ERCC1: variants seen among roughly 807,000 people sequenced by gnomAD.
ERCC1 encodes DNA excision repair protein ERCC-1.
Under a neutral mutation model 37.6 loss-of-function variants are expected in ERCC1, and 36 were observed. The observed-to-expected ratio is 0.96, with a 90% CI of 0.73 to 1.26. The LOEUF (loss-of-function observed/expected upper bound fraction) is 1.26, where lower values mean the gene tolerates loss of function less well. Among genes scored for constraint, ERCC1 ranks in the 50% most tolerant of loss-of-function variants. ERCC1 has a pLI of 0.00. For missense variants in ERCC1, 349 were observed against 376.5 expected (o/e 0.93, Z 0.60); for synonymous variants, 156 against 162.1 (o/e 0.96, Z 0.28).
upstream of ERCC1, among the ~76,000 whole-genome samples, chr19:45,428,109 A>C: frequency 9.8e-6 from 1 of 102,504 alleles, no homozygotes; most frequent in East Asian, 2.8e-4. Context: ...TTTGAGACGG[A>C]GTCTCTCTCT....
chr19:45,445,653 A>C (rs1966918281), intron 1 of ERCC1, among the ~76,000 whole-genome samples: 1 of 152,112 alleles, frequency 6.6e-6, no homozygotes, highest in East Asian at 1.9e-4. Context: ...AAGCAAGTGC[A>C]AAGGGTGTAA....
chr19:45,417,007 G>T (rs919698790), intron 5 of ERCC1, 110 bp from the exon 6 acceptor site: 1 of 760,546 alleles, frequency 1.3e-6, no homozygotes, highest in Non-Finnish European at 2.3e-6. Flanking sequence ...TGAGGTGGGG[G>T]AACTGCTTGA....
intron 1 of ERCC1, among the ~76,000 whole-genome samples, chr19:45,439,950 C>A (rs1481682244): frequency 1.3e-5 from 2 of 152,166 alleles, no homozygotes; most frequent in Non-Finnish European, 2.9e-5. Flanking sequence ...TGCCGCGCTC[C>A]GAGCCGAGCC....
rs889967425 is a variant in ERCC1 at position 45,408,394 on chromosome 19, TCCTGGCC to T, written c.*1274_*1280del. 1 of 1,613,020 alleles carries T rather than the reference TCCTGGCC, an allele frequency of 6.2e-7. No individual in the cohort carries two copies. The highest frequency in any genetic ancestry group is 1.3e-5 in the African/African-American group (1 of 74,902). ...CAGCAAGTCCCCCACCACAGATCCC[TCCTGGCC>T]TGAGGCCTCGGTTCTGTGCCTTTGG... is the stretch of plus-strand genomic sequence containing the variant. On this transcript the variant is annotated 3_prime_UTR_variant, in exon 10 of 10. Transcript: ENST00000300853.
At chr19:45,440,042 T>G (rs1975080114) in intron 1 of ERCC1, among the ~76,000 whole-genome samples, 3 of 151,954 alleles carry the variant, frequency 2.0e-5, no homozygotes, top group Admixed American at 2.0e-4. Flanking sequence ...GGAGCGGTGC[T>G]GGGCGCAGCC....
chr19:45,423,384 G>C lies in ERCC1; in HGVS notation c.-7-3C>G, dbSNP rs961112174. ...CCTTCCCAGGGTCCATCTGGAGCCT[G>C]AAAGGGAAGGTGCCAGGAGCGAGTG... On this transcript the variant is annotated splice_polypyrimidine_tract_variant and splice_region_variant and intron_variant, in intron 1 of 9. Coordinates refer to ENST00000300853, the MANE Select transcript of ERCC1 (RefSeq NM_001983.4). 6.2e-7 allele frequency: 1 copy of C among 1,608,618 alleles called. No individual in the cohort carries two copies. Among genetic ancestry groups the C allele is most frequent in the Non-Finnish European group, 8.5e-7 (1 of 1,177,776 alleles).
upstream of ERCC1, among the ~76,000 whole-genome samples, chr19:45,428,083 C>CTTTTTTTTTTTTTTTTTTTTTTTTTTTT (rs5828235): frequency 8.6e-6 from 1 of 116,018 alleles, no homozygotes; most frequent in Non-Finnish European, 1.7e-5. Flanking sequence ...TTCTTTCTTT[C>CTTTTTTTTTTTTTTTTTTTTTTTTTTTT]TTTTTTTTTT....
intron 1 of ERCC1, among the ~76,000 whole-genome samples, chr19:45,443,592 G>C (rs963705251): frequency 2.6e-5 from 4 of 152,166 alleles, no homozygotes; most frequent in Non-Finnish European, 5.9e-5. Flanking sequence ...AGGAACCCGG[G>C]AGTCCAGACT....
At chr19:45,446,787 C>G (rs1332415621) in intron 1 of ERCC1, among the ~76,000 whole-genome samples, 4 of 152,124 alleles carry the variant, frequency 2.6e-5, no homozygotes, top group Non-Finnish European at 4.4e-5. Flanking sequence ...ATCACGAGGT[C>G]AGGAATTCGA....
At chr19:45,449,506 T>A (rs1967047918) in intron 1 of ERCC1, among the ~76,000 whole-genome samples, 2 of 150,808 alleles carry the variant, frequency 1.3e-5, no homozygotes, top group African/African-American at 4.9e-5. Flanking sequence ...AAACAAAAAA[T>A]AATAAAAATT....
upstream of ERCC1, chr19:45,424,184 T>C (rs1974610618): frequency 2.8e-6 from 1 of 356,106 alleles, no homozygotes; most frequent in African/African-American, 2.2e-5. Flanking sequence ...TGAATCCAAC[T>C]CAGACATTGA....
At chr19:45,415,205 C>T (rs1057259644) in intron 6 of ERCC1, among the ~76,000 whole-genome samples, 1 of 151,778 alleles carries the variant, frequency 6.6e-6, no homozygotes, top group Middle Eastern at 3.4e-3. Context: ...CTTGGTGGCG[C>T]GTGCCTGTAG....
At chr19:45,419,304 GACAGAGGGTCCTGAGGCCC>G in intron 4 of ERCC1, 107 bp from the exon 5 acceptor site, 1 of 808,484 alleles carries the variant, frequency 1.2e-6, no homozygotes, top group Non-Finnish European at 2.1e-6. Flanking sequence ...CGGCATGGGG[GACAGAGGGTCCTGAGGCCC>G]ACAGAGGGTA....
intron 1 of ERCC1, among the ~76,000 whole-genome samples, chr19:45,449,938 T>C (rs999939316): frequency 2.6e-5 from 4 of 151,984 alleles, no homozygotes; most frequent in Admixed American, 6.6e-5. Flanking sequence ...CACTCCAGCC[T>C]GGGCAAAAAG....
intron 1 of ERCC1, among the ~76,000 whole-genome samples, chr19:45,445,537 G>A (rs1966915278): frequency 6.6e-6 from 1 of 152,166 alleles, no homozygotes; most frequent in African/African-American, 2.4e-5. Flanking sequence ...AGGGGGTTGG[G>A]GGTTGCTATT....
At chr19:45,432,926 C>A (rs991809505) in intron 1 of ERCC1, among the ~76,000 whole-genome samples, 1 of 152,092 alleles carries the variant, frequency 6.6e-6, no homozygotes, top group Non-Finnish European at 1.5e-5. Context: ...ACTAAAAATA[C>A]AAAATTAGCC....
intron 2 of ERCC1, 53 bp from the exon 3 acceptor site, chr19:45,421,446 T>C: frequency 7.6e-7 from 1 of 1,322,404 alleles, no homozygotes; most frequent in South Asian, 1.3e-5. Context: ...GCAGAGGACA[T>C]CTGAGGCCCT....
Position 45,408,699 on chromosome 19 carries a change from T to G in ERCC1, c.*976A>C, listed in dbSNP as rs1599792491. ...GTGGAGACACTGGAGCCTCTGGGAGTGCTGTTCCCGTCCACCACCAAGAAG... is the reference window on the plus strand; with the variant it reads ...GTGGAGACACTGGAGCCTCTGGGAGGGCTGTTCCCGTCCACCACCAAGAAG... On this transcript the variant is annotated 3_prime_UTR_variant, in exon 10 of 10. Transcript: ENST00000300853. 1 of 1,604,116 alleles carries G rather than the reference T, an allele frequency of 6.2e-7. No individual in the cohort carries two copies. The highest frequency in any genetic ancestry group is 2.2e-5 in the East Asian group (1 of 44,512).
At chr19:45,446,552 A>G (rs764254753) in intron 1 of ERCC1, among the ~76,000 whole-genome samples, 1 of 152,138 alleles carries the variant, frequency 6.6e-6, no homozygotes, top group Non-Finnish European at 1.5e-5. Context: ...AGCTCCAAAG[A>G]TGGTACCCCT....
Sources: gnomAD v4.1 joint callset for allele counts (sites outside exome capture counted in the v4.1 genomes callset) on GRCh38, gnomAD v4.1.1 for gene constraint, MANE v1.5 for transcripts, NCBI Gene and HGNC (gene_info 2026-07-23, HGNC 2026-07-21) for gene names.